Variants in USP6NL observed in about 807,000 individuals in gnomAD.
USP6NL encodes the protein USP6 N-terminal-like protein.
USP6NL carries 26 observed loss-of-function variants against 61.9 expected under a neutral mutation model. The ratio of observed to expected loss-of-function variants is 0.42; its 90% CI spans 0.31 to 0.58. USP6NL has a LOEUF of 0.58. Ranked by LOEUF, USP6NL falls within the 20% of genes least tolerant of loss-of-function variation. The pLI is 0.16. For missense variants in USP6NL, 1,114 were observed against 1,034.3 expected (o/e 1.08, Z -1.06); for synonymous variants, 432 against 390.1 (o/e 1.11, Z -1.27).
intron 7 of USP6NL, among the ~76,000 whole-genome samples, chr10:11,494,593 G>A (rs1273672070): frequency 6.6e-6 from 1 of 152,146 alleles, no homozygotes; most frequent in Admixed American, 6.5e-5. Context: ...CCGAATGTCT[G>A]GCTGCACTGT....
Position 11,592,805 on chromosome 10 carries a change from CCTT to C in USP6NL, c.4+4823_4+4825del, listed in dbSNP as rs1223283215. On this transcript the variant is annotated intron_variant, in intron 2 of 14. Coordinates refer to ENST00000609104, the MANE Select transcript of USP6NL (RefSeq NM_014688.5). The surrounding 1 kb of genome is among the most constrained non-coding windows in gnomAD (Gnocchi z 4.7). ...TTTACTTAGTAAGACTCTGAAGAAT[CCTT>C]CTACTACCACTGAGAGATTTAGTAA... Among the ~76,000 whole-genome samples the C allele has an allele frequency of 2.0e-5, 3 of 152,184 alleles. No individual in the cohort carries two copies. The highest frequency in any genetic ancestry group is 4.4e-5 in the Non-Finnish European group (3 of 68,022).
Position 11,605,873 on chromosome 10 carries a change from A to G in USP6NL, c.-84+5570T>C, listed in dbSNP as rs189039436. Among the ~76,000 whole-genome samples the G allele has an allele frequency of 3.0e-4, 45 of 152,336 alleles. 1 individual carries two copies. The highest frequency in any genetic ancestry group is 1.4e-3 in the Admixed American group (22 of 15,300). ...ACACCACAAGAGGCAAAATACACAG[A>G]GGATTCAGGGAGAAAATCTAACATT... is the stretch of plus-strand genomic sequence containing the variant. On this transcript the variant is annotated intron_variant, in intron 1 of 14. Coordinates refer to ENST00000609104, the MANE Select transcript of USP6NL (RefSeq NM_014688.5).
intron 5 of USP6NL, among the ~76,000 whole-genome samples, chr10:11,512,305 A>G (rs1375329006): frequency 6.6e-6 from 1 of 152,062 alleles, no homozygotes; most frequent in African/African-American, 2.4e-5. Context: ...CTACCCACTA[A>G]GCCCTCCTTC....
Position 11,528,900 on chromosome 10 carries a change from G to C in USP6NL, c.5-1333C>G, listed in dbSNP as rs1289567914. On this transcript the variant is annotated intron_variant, in intron 2 of 14. Transcript: ENST00000609104. This position sits in a 1 kb window ranked among gnomAD's most constrained non-coding sequence, Gnocchi z 4.6. ...CATGTGTGTAGCAGAGCCGGGTGCA[G>C]GGTGGAAAACCAAACCCTCATTCTC... Among the ~76,000 whole-genome samples the C allele has an allele frequency of 2.0e-5, 3 of 152,146 alleles. No homozygotes were observed. The highest frequency in any genetic ancestry group is 6.5e-5 in the Admixed American group (1 of 15,286).
In USP6NL at chr10:11,577,895, TG is replaced by T. The variant is rs139885322; in HGVS notation, c.4+19735del. Among the ~76,000 whole-genome samples, 1,288 of 152,312 alleles carry T rather than the reference TG, an allele frequency of 8.5e-3. 19 individuals are homozygous for T. The highest frequency in any genetic ancestry group is 0.024 in the African/African-American group (983 of 41,566). On this transcript the variant is annotated intron_variant, in intron 2 of 14. Transcript: ENST00000609104. ...TCTTCCTTATTTCTAACAATTTATG[TG>T]TAAATTCTTCTGGTTTTCTCTACCT... is the stretch of plus-strand genomic sequence containing the variant.
At chr10:11,551,996 A>G (rs956415605) in intron 2 of USP6NL, among the ~76,000 whole-genome samples, 2 of 152,206 alleles carry the variant, frequency 1.3e-5, no homozygotes, top group Non-Finnish European at 2.9e-5. Context: ...TATTTCCACT[A>G]AAGTAAATAA....
chr10:11,481,594 G>A lies in USP6NL; in HGVS notation c.1078+176C>T, dbSNP rs894782943. On this transcript the variant is annotated intron_variant, in intron 14 of 14. Coordinates refer to ENST00000609104, the MANE Select transcript of USP6NL (RefSeq NM_014688.5). The surrounding 1 kb of genome is among the most constrained non-coding windows in gnomAD (Gnocchi z 4.4). Reference sequence around the variant, plus strand: ...GCAGATTTAATTAATATGTTTATTTGCCTTTCCCTAAAATAAGGAAAAAGC... The same window carrying A: ...GCAGATTTAATTAATATGTTTATTTACCTTTCCCTAAAATAAGGAAAAAGC... Among the ~76,000 whole-genome samples, 1 of 152,164 alleles carries A rather than the reference G, an allele frequency of 6.6e-6. No homozygotes were observed. The highest frequency in any genetic ancestry group is 1.5e-5 in the Non-Finnish European group (1 of 68,028).
rs991572636 is a variant in USP6NL at position 11,491,642 on chromosome 10, T to C, written c.495-762A>G. Among the ~76,000 whole-genome samples, 8 of 152,156 alleles carry C rather than the reference T, an allele frequency of 5.3e-5. No homozygotes were observed. Among genetic ancestry groups the C allele is most frequent in the Non-Finnish European group, 1.0e-4 (7 of 68,032 alleles). On this transcript the variant is annotated intron_variant, in intron 8 of 14. Coordinates refer to ENST00000609104, the MANE Select transcript of USP6NL (RefSeq NM_014688.5). The surrounding 1 kb of genome is among the most constrained non-coding windows in gnomAD (Gnocchi z 4.7). ...TTACTAAGGGGAACATGGGTTGCTA[T>C]GACACAACAGACACAAGGAGGAGTA...
rs1428735742 is a variant in USP6NL at position 11,562,319 on chromosome 10, G to A, written c.5-34752C>T. On this transcript the variant is annotated intron_variant, in intron 2 of 14. Coordinates refer to ENST00000609104, the MANE Select transcript of USP6NL (RefSeq NM_014688.5). This position sits in a 1 kb window ranked among gnomAD's most constrained non-coding sequence, Gnocchi z 4.8. ...CCCCCCTGCAGCTAGCAGCAGCCAT[G>A]TGACACAGTTCCGGCTGATGGCTTA... 1 of 890,142 alleles carries A rather than the reference G, an allele frequency of 1.1e-6. No individual in the cohort carries two copies. The highest frequency in any genetic ancestry group is 1.2e-4 in the East Asian group (1 of 8,404). The allele number at this position is 890,142 out of a possible 1,614,324, so 55.1% of individuals were successfully genotyped here. A position where few individuals can be genotyped will look rare whatever the true frequency, so the allele number is the denominator to read the frequency against.
chr10:11,572,802 T>C (rs1251447985), intron 2 of USP6NL, among the ~76,000 whole-genome samples: 1 of 152,094 alleles, frequency 6.6e-6, no homozygotes, highest in Admixed American at 6.5e-5. Context: ...AACCATAATT[T>C]AGTGAAATTG....
At chr10:11,517,855 C>T (rs77780403) in intron 5 of USP6NL, among the ~76,000 whole-genome samples, 5 of 152,184 alleles carry the variant, frequency 3.3e-5, no homozygotes, top group Admixed American at 6.5e-5. Flanking sequence ...AGTCAATACC[C>T]CCACTTTCAT....
At chr10:11,580,255 T>C (rs1429565373) in intron 2 of USP6NL, among the ~76,000 whole-genome samples, 1 of 152,164 alleles carries the variant, frequency 6.6e-6, no homozygotes, top group Non-Finnish European at 1.5e-5. Flanking sequence ...ATATCAATAA[T>C]TAAACAATAT....
intron 2 of USP6NL, among the ~76,000 whole-genome samples, chr10:11,531,866 A>C (rs1214223080): frequency 6.6e-6 from 1 of 152,232 alleles, no homozygotes; most frequent in African/African-American, 2.4e-5. Flanking sequence ...TTATAGAAGA[A>C]AATGACAACT....
In USP6NL at chr10:11,585,328, C is replaced by T. The variant is rs150645263; in HGVS notation, c.4+12303G>A. Among the ~76,000 whole-genome samples the T allele has an allele frequency of 1.7e-4, 26 of 152,244 alleles. No homozygotes were observed. Among genetic ancestry groups the T allele is most frequent in the African/African-American group, 6.0e-4 (25 of 41,528 alleles). ...TAAAAAAAAGAATTACAGTATGATC[C>T]AGCAATTCCACTTCTTGGTACAGAC... On this transcript the variant is annotated intron_variant, in intron 2 of 14. Coordinates refer to ENST00000609104, the MANE Select transcript of USP6NL (RefSeq NM_014688.5). This position sits in a 1 kb window ranked among gnomAD's most constrained non-coding sequence, Gnocchi z 4.5.
intron 2 of USP6NL, among the ~76,000 whole-genome samples, chr10:11,584,190 G>C (rs1227492995): frequency 1.3e-5 from 2 of 152,298 alleles, no homozygotes; most frequent in East Asian, 3.9e-4. Flanking sequence ...CTCCAGCCTG[G>C]GTGACAGAGC....
chr10:11,521,026 G>A (rs1012401489), intron 4 of USP6NL, among the ~76,000 whole-genome samples: 3 of 152,108 alleles, frequency 2.0e-5, no homozygotes, highest in Admixed American at 1.3e-4. Flanking sequence ...ACCTTAACTG[G>A]ATACATTGTT....
intron 2 of USP6NL, among the ~76,000 whole-genome samples, chr10:11,573,275 A>G (rs570655570): frequency 5.3e-5 from 8 of 152,318 alleles, no homozygotes; most frequent in Middle Eastern, 3.4e-3. Flanking sequence ...AAAAGAAATG[A>G]GGATTACAAA....
chr10:11,578,611 A>G (rs1837635928), intron 2 of USP6NL, among the ~76,000 whole-genome samples: 1 of 127,236 alleles, frequency 7.9e-6, no homozygotes, highest in Non-Finnish European at 1.7e-5. Flanking sequence ...CTCTATCTCT[A>G]AAAAAAATAA....
rs541520796 is a variant in USP6NL, at chr10:11,589,877, G to A, written c.4+7754C>T. On this transcript the variant is annotated intron_variant, in intron 2 of 14. Coordinates refer to ENST00000609104, the MANE Select transcript of USP6NL (RefSeq NM_014688.5). This position sits in a 1 kb window ranked among gnomAD's most constrained non-coding sequence, Gnocchi z 4.7. ...GTGAGAACAAAATCAAACCGGTGCCGCTCCAGGGTACCAAGGCAATGCCAG... is the reference window on the plus strand; with the variant it reads ...GTGAGAACAAAATCAAACCGGTGCCACTCCAGGGTACCAAGGCAATGCCAG... 4.6e-5 allele frequency among the ~76,000 whole-genome samples: 7 copies of A among 152,230 alleles called. No homozygotes were observed. Among genetic ancestry groups the A allele is most frequent in the South Asian group, 4.1e-4 (2 of 4,824 alleles).
Sources: gnomAD v4.1 joint callset for allele counts (sites outside exome capture counted in the v4.1 genomes callset) on GRCh38, gnomAD v4.1.1 for gene constraint, Gnocchi (gnomAD v3.1) non-coding constraint, MANE v1.5 for transcripts, NCBI Gene and HGNC (gene_info 2026-07-23, HGNC 2026-07-21) for gene names.